The following PLXDC2 variants were observed in gnomAD, a reference collection of about 807,000 sequenced individuals.
PLXDC2 encodes the protein plexin domain-containing protein 2.
PLXDC2 carries 40 observed loss-of-function variants against 68.9 expected under a neutral mutation model. The ratio of observed to expected loss-of-function variants is 0.58; its 90% CI spans 0.45 to 0.76. The LOEUF (loss-of-function observed/expected upper bound fraction) is 0.76, where lower values mean the gene tolerates loss of function less well. PLXDC2 is among the 30% of genes least tolerant of loss of function. The pLI is 0.00. For synonymous variants in PLXDC2, 243 were observed against 234.2 expected (o/e 1.04, Z -0.34); for missense variants, 644 against 661.9 (o/e 0.97, Z 0.30).
chr10:19,985,236 G>A (rs1225071966), intron 1 of PLXDC2, among the ~76,000 whole-genome samples: 1 of 152,162 alleles, frequency 6.6e-6, no homozygotes, highest in Non-Finnish European at 1.5e-5. Flanking sequence ...AAATTTTAGG[G>A]TGACTCCTCC....
chr10:20,218,253 T>G (rs1321216673), intron 11 of PLXDC2, among the ~76,000 whole-genome samples: 3 of 152,164 alleles, frequency 2.0e-5, no homozygotes, highest in Non-Finnish European at 4.4e-5. Flanking sequence ...TGGCCACGAA[T>G]CAGGTTTGAG....
At chr10:19,849,278 C>T (rs537164727) in intron 1 of PLXDC2, among the ~76,000 whole-genome samples, 3 of 151,760 alleles carry the variant, frequency 2.0e-5, no homozygotes, top group East Asian at 1.9e-4. Flanking sequence ...TTATAAACTA[C>T]GATCTGTATA....
At chr10:19,995,650 G>C (rs1834831927) in intron 1 of PLXDC2, among the ~76,000 whole-genome samples, 2 of 152,174 alleles carry the variant, frequency 1.3e-5, no homozygotes, top group African/African-American at 4.8e-5. Context: ...GGCCAGACTT[G>C]CAAATAGCAC....
Position 20,208,362 on chromosome 10 carries a change from A to G in PLXDC2, c.1062-3307A>G, listed in dbSNP as rs139121983. Among the ~76,000 whole-genome samples, 389 of 152,266 alleles carry G rather than the reference A, an allele frequency of 2.6e-3. 2 individuals are homozygous for G. The highest frequency in any genetic ancestry group is 8.1e-3 in the African/African-American group (337 of 41,562). ...AGCCAGGCAAAAGGGGAAACCCCAT[A>G]TAAAGCCATCAGATCTTGTGAGACT... On this transcript the variant is annotated intron_variant, in intron 9 of 13. Coordinates refer to ENST00000377252, the MANE Select transcript of PLXDC2 (RefSeq NM_032812.9).
intron 13 of PLXDC2, among the ~76,000 whole-genome samples, chr10:20,249,990 G>A (rs1430005024): frequency 6.6e-6 from 1 of 152,068 alleles, no homozygotes; most frequent in South Asian, 2.1e-4. Context: ...ATGCTAGGCC[G>A]GGAGCGGTGG....
chr10:20,104,610 G>A (rs539909966), intron 4 of PLXDC2, among the ~76,000 whole-genome samples: 88 of 152,130 alleles, frequency 5.8e-4, no homozygotes, highest in Admixed American at 1.0e-3. Flanking sequence ...TAATGTATTA[G>A]TTTACATAAA....
At chr10:20,138,877 C>A (rs1011631055) in intron 4 of PLXDC2, among the ~76,000 whole-genome samples, 7 of 151,968 alleles carry the variant, frequency 4.6e-5, no homozygotes, top group African/African-American at 1.7e-4. Context: ...CGTGCCACTA[C>A]ACTCCAGCCT....
chr10:20,108,226 C>T (rs576541368), intron 4 of PLXDC2, among the ~76,000 whole-genome samples: 60 of 152,144 alleles, frequency 3.9e-4, no homozygotes, highest in Middle Eastern at 6.8e-3. Context: ...TAATGTTTCC[C>T]GAGTTGGGTT....
intron 9 of PLXDC2, among the ~76,000 whole-genome samples, chr10:20,192,132 G>T (rs1834774796): frequency 6.6e-6 from 1 of 152,036 alleles, no homozygotes; most frequent in Admixed American, 6.6e-5. Flanking sequence ...AACTGGTGGA[G>T]GCAGGACTTA....
At chr10:20,092,282 T>C (rs963831980) in intron 4 of PLXDC2, among the ~76,000 whole-genome samples, 7 of 152,200 alleles carry the variant, frequency 4.6e-5, no homozygotes, top group Admixed American at 3.9e-4. Context: ...CTTTAAGCCT[T>C]ATCCGGTGAT....
intron 1 of PLXDC2, among the ~76,000 whole-genome samples, chr10:19,955,545 A>G (rs1834056015): frequency 6.6e-6 from 1 of 152,132 alleles, no homozygotes; most frequent in Non-Finnish European, 1.5e-5. Context: ...AAGTGGCTTT[A>G]TTAGCCAGAG....
intron 1 of PLXDC2, among the ~76,000 whole-genome samples, chr10:19,944,627 G>T (rs577428891): frequency 6.6e-6 from 1 of 152,096 alleles, no homozygotes; most frequent in Admixed American, 6.6e-5. Flanking sequence ...GGAAAGTGAC[G>T]TACAGAAAAC....
chr10:20,058,409 T>A (rs943494985), intron 3 of PLXDC2, among the ~76,000 whole-genome samples: 5 of 152,148 alleles, frequency 3.3e-5, no homozygotes, highest in Non-Finnish European at 7.4e-5. Context: ...AGTATATTAT[T>A]TACTCTTTCT....
At chr10:20,099,777 G>A (rs1486806497) in intron 4 of PLXDC2, among the ~76,000 whole-genome samples, 1 of 152,048 alleles carries the variant, frequency 6.6e-6, no homozygotes, top group African/African-American at 2.4e-5. Flanking sequence ...TTGCTAGGGA[G>A]ATTCTTTTAA....
In PLXDC2 at chr10:19,991,230, G is replaced by C. The variant is rs534611769; in HGVS notation, c.113-10545G>C. ...CATTGCACTCTAGCCTGGGCAACAAGACCGAAACTCTCTCTCAAAAAAAAA... is the reference window on the plus strand; with the variant it reads ...CATTGCACTCTAGCCTGGGCAACAACACCGAAACTCTCTCTCAAAAAAAAA... On this transcript the variant is annotated intron_variant, in intron 1 of 13. Transcript: ENST00000377252. 1.9e-3 allele frequency among the ~76,000 whole-genome samples: 273 copies of C among 143,550 alleles called. 1 individual carries two copies. Among genetic ancestry groups the C allele is most frequent in the African/African-American group, 6.4e-3 (244 of 38,336 alleles). 94.2% of individuals were successfully genotyped at this position (143,550 alleles called of 152,430 possible). A position where few individuals can be genotyped will look rare whatever the true frequency, so the allele number is the denominator to read the frequency against.
intron 1 of PLXDC2, among the ~76,000 whole-genome samples, chr10:19,961,438 C>T (rs1445025357): frequency 6.6e-6 from 1 of 152,224 alleles, no homozygotes; most frequent in South Asian, 2.1e-4. Context: ...ACAAGTGTCA[C>T]ATTAAAGAAA....
intron 4 of PLXDC2, among the ~76,000 whole-genome samples, chr10:20,138,100 A>G (rs1209905899): frequency 6.6e-6 from 1 of 152,208 alleles, no homozygotes; most frequent in African/African-American, 2.4e-5. Context: ...TAAATATTTA[A>G]TATCAGAAGT....
chr10:20,191,340 T>C (rs1253068420), intron 9 of PLXDC2, among the ~76,000 whole-genome samples: 1 of 151,920 alleles, frequency 6.6e-6, no homozygotes, highest in Non-Finnish European at 1.5e-5. Context: ...TTTTCTTCAA[T>C]GACACTTCAC....
rs181514059 is a variant in PLXDC2, at chr10:19,961,070, G to A, written c.113-40705G>A. ...TGAATTTACTTAGCTGTTGTTAGCA[G>A]GATGCTTCCTGTGTGTTTTTATAAC... On this transcript the variant is annotated intron_variant, in intron 1 of 13. Coordinates refer to ENST00000377252, the MANE Select transcript of PLXDC2 (RefSeq NM_032812.9). Among the ~76,000 whole-genome samples, 44 of 152,328 alleles carry A rather than the reference G, an allele frequency of 2.9e-4. No homozygotes were observed. In the East Asian group the frequency reaches 7.3e-3, roughly 25 times the overall value.
Sources: allele counts gnomAD v4.1 joint callset (sites outside exome capture counted in the v4.1 genomes callset), GRCh38; gene constraint gnomAD v4.1.1; transcripts MANE v1.5; gene names NCBI Gene and HGNC (gene_info 2026-07-23, HGNC 2026-07-21).